Variants in CPS1 observed in about 807,000 individuals in gnomAD.
CPS1 encodes the protein carbamoyl-phosphate synthase [ammonia], mitochondrial.
A neutral mutation model predicts 174.6 loss-of-function variants in CPS1; 109 were observed. That is an observed-to-expected ratio of 0.62 (90% CI 0.53 to 0.73). CPS1 has a LOEUF of 0.73. Among genes scored for constraint, CPS1 ranks in the 30% least tolerant of loss-of-function variants. CPS1 has a pLI of 0.00. For synonymous variants in CPS1, 637 were observed against 632.0 expected (o/e 1.01, Z -0.12); for missense variants, 1,689 against 1,821.9 (o/e 0.93, Z 1.33).
chr2:210,604,929 C>T lies in CPS1; in HGVS notation c.1837-173C>T. 7.5e-6 allele frequency: 5 copies of T among 666,844 alleles called. No homozygotes were observed. The South Asian group carries it at 8.9e-5, about 12-fold the overall frequency. The allele number at this position is 666,844 out of a possible 1,614,324, so 41.3% of individuals were successfully genotyped here. A position where few individuals can be genotyped will look rare whatever the true frequency, so the allele number is the denominator to read the frequency against. ...AGCATATTCACTGCAGGATGCTATT[C>T]CTAGTACCTCACTGATTTTCTGACA... is the stretch of plus-strand genomic sequence containing the variant. On this transcript the variant is annotated intron_variant, in intron 16 of 37. Transcript: ENST00000233072.
At chr2:210,486,488 A>T (rs1694730115) in intron 1 of CPS1, among the ~76,000 whole-genome samples, 2 of 152,222 alleles carry the variant, frequency 1.3e-5, no homozygotes, top group Admixed American at 1.3e-4. Context: ...TTATATCCAG[A>T]GCTGCCCATA....
Position 210,511,471 on chromosome 2 carries a change from A to G in CPS1, c.3+33705A>G, listed in dbSNP as rs181444277. 4.9e-3 allele frequency among the ~76,000 whole-genome samples: 751 copies of G among 152,226 alleles called. 5 individuals carry two copies. Among genetic ancestry groups the G allele is most frequent in the Non-Finnish European group, 8.4e-3 (574 of 68,016 alleles). On this transcript the variant is annotated intron_variant, in intron 1 of 38. Transcript: ENST00000430249. ...TGGGTGCAGCACACCAACATGGCAC[A>G]TGTATACATATGTAACAAACCTGCA...
At chr2:210,526,013 G>T (rs2105994140) in intron 1 of CPS1, among the ~76,000 whole-genome samples, 1 of 151,982 alleles carries the variant, frequency 6.6e-6, no homozygotes, top group South Asian at 2.1e-4. Context: ...TGGGAGATGA[G>T]CATGGAAAGG....
At chr2:210,610,487 G>A (rs1405959889) in intron 19 of CPS1, among the ~76,000 whole-genome samples, 5 of 151,834 alleles carry the variant, frequency 3.3e-5, no homozygotes, top group African/African-American at 4.8e-5. Flanking sequence ...AAACTGACCC[G>A]AATAGACAAT....
rs541595848 is a variant in CPS1, at chr2:210,614,399, C to T, written c.2569-2024C>T. Among the ~76,000 whole-genome samples, 18 of 151,870 alleles carry T rather than the reference C, an allele frequency of 1.2e-4. No homozygotes were observed. In the South Asian group the frequency reaches 3.7e-3, roughly 32 times the overall value. ...CTCTATAGTAGAATGATTTATAATC[C>T]TTTGGGTATATACCCAGTAATGGGA... On this transcript the variant is annotated intron_variant, in intron 20 of 37. Transcript: ENST00000233072.
Position 210,608,528 on chromosome 2 carries a change from G to T in CPS1, c.2360G>T (p.Arg787Leu). 6.2e-7 allele frequency: 1 copy of T among 1,612,026 alleles called. No individual in the cohort carries two copies. The highest frequency in any genetic ancestry group is 8.5e-7 in the Non-Finnish European group (1 of 1,178,652). ...GACCGTTTTCATGGAACATCTAGCC[G>T]AATTGGTAGCTCTATGAAAAGTGTA... ...DLDRFHGTSS[R>L]IGSSMKSVGE... Residue 787 changes from arginine to leucine, a missense_variant, in exon 19 of 38, where the codon CGA (arginine) becomes CTA (leucine). Coordinates refer to ENST00000233072, the MANE Select transcript of CPS1 (RefSeq NM_001875.5).
At position 210,542,783 on chromosome 2, in the gene CPS1, A is replaced by G. The variant is rs150314017; in HGVS notation, c.4-13936A>G. On this transcript the variant is annotated intron_variant, in intron 1 of 38. Coordinates refer to the CPS1 transcript ENST00000430249. ...GGCTCCACATTCTCATCCAGTTTCT[A>G]TTCTTTCACTTAGCTGCTTTTCTTC... Among the ~76,000 whole-genome samples, 59 of 152,064 alleles carry G rather than the reference A, an allele frequency of 3.9e-4. No homozygotes were observed. The East Asian group carries it at 0.011, about 30-fold the overall frequency.
At chr2:210,633,740 T>C (rs947923392) in intron 21 of CPS1, among the ~76,000 whole-genome samples, 2 of 152,126 alleles carry the variant, frequency 1.3e-5, no homozygotes, top group African/African-American at 4.8e-5. Flanking sequence ...AAACAAATAA[T>C]TAAAGACCCT....
intron 1 of CPS1, among the ~76,000 whole-genome samples, chr2:210,510,235 C>T (rs1449500388): frequency 6.6e-6 from 1 of 152,172 alleles, no homozygotes; most frequent in Non-Finnish European, 1.5e-5. Flanking sequence ...TTATCTACAA[C>T]TATCTGATCT....
At chr2:210,554,305 G>C (rs978766043), upstream of CPS1, among the ~76,000 whole-genome samples, 8 of 149,030 alleles carry the variant, frequency 5.4e-5, no homozygotes, top group Non-Finnish European at 7.4e-5. Flanking sequence ...TAGTTTGCAA[G>C]TCTGCATCTG....
At chr2:210,479,272 CTCT>C (rs2105938073) in intron 1 of CPS1, among the ~76,000 whole-genome samples, 1 of 151,994 alleles carries the variant, frequency 6.6e-6, no homozygotes, top group East Asian at 1.9e-4. Flanking sequence ...TCCTAATTTC[CTCT>C]TCTTACGACA....
intron 18 of CPS1, among the ~76,000 whole-genome samples, chr2:210,607,461 G>A (rs192064457): frequency 6.6e-6 from 1 of 152,044 alleles, no homozygotes; most frequent in East Asian, 1.9e-4. Context: ...ACAGCCACTA[G>A]CAGGCATGAT....
intron 21 of CPS1, among the ~76,000 whole-genome samples, chr2:210,627,429 A>G (rs1699730283): frequency 6.6e-6 from 1 of 152,202 alleles, no homozygotes; most frequent in South Asian, 2.1e-4. Context: ...TCTTGAGCGT[A>G]GAATGGAATT....
chr2:210,654,917 C>A (rs1175440694), intron 29 of CPS1, among the ~76,000 whole-genome samples: 1 of 152,172 alleles, frequency 6.6e-6, no homozygotes, highest in Non-Finnish European at 1.5e-5. Context: ...ATCACATAAT[C>A]TTGAGTTGAA....
rs548272802 is a variant in CPS1 at position 210,612,434 on chromosome 2, C to T, written c.2568+141C>T. On this transcript the variant is annotated intron_variant, in intron 20 of 37. Coordinates refer to ENST00000233072, the MANE Select transcript of CPS1 (RefSeq NM_001875.5). ...TTTTTAATTCTTTTATAGTATTAAACTGGAAACATCTATAGATTTCATTAG... is the reference window on the plus strand; with the variant it reads ...TTTTTAATTCTTTTATAGTATTAAATTGGAAACATCTATAGATTTCATTAG... 9.7e-5 allele frequency: 72 copies of T among 745,532 alleles called. No homozygotes were observed. The East Asian group carries it at 1.8e-3, about 19-fold the overall frequency. 46.2% of individuals were successfully genotyped at this position (745,532 alleles called of 1,614,324 possible).
intron 1 of CPS1, among the ~76,000 whole-genome samples, chr2:210,566,676 C>T (rs372955967): frequency 2.6e-5 from 4 of 152,128 alleles, no homozygotes; most frequent in East Asian, 1.9e-4. Context: ...GCTGCTCTTC[C>T]AGTTGCTAAT....
chr2:210,580,905 A>T lies in CPS1; in HGVS notation c.528+1135A>T, dbSNP rs76182627. Reference sequence around the variant, plus strand: ...ATATGGGAAAAGGAGTCTTCAAAAAATTTTTTTGTAGATTTCTTGTTAGGA... The same window carrying T: ...ATATGGGAAAAGGAGTCTTCAAAAATTTTTTTTGTAGATTTCTTGTTAGGA... On this transcript the variant is annotated intron_variant, in intron 5 of 37. Transcript: ENST00000233072. Among the ~76,000 whole-genome samples the T allele has an allele frequency of 2.3e-3, 356 of 151,980 alleles. 3 individuals carry two copies. The highest frequency in any genetic ancestry group is 8.2e-3 in the African/African-American group (342 of 41,456).
At chr2:210,559,040 T>C (rs776933790) in intron 1 of CPS1, among the ~76,000 whole-genome samples, 1 of 152,120 alleles carries the variant, frequency 6.6e-6, no homozygotes, top group Non-Finnish European at 1.5e-5. Flanking sequence ...ACTTGTGTTA[T>C]TATTCAGTTA....
Position 210,608,389 on chromosome 2 carries a change from A to G in CPS1, c.2221A>G (p.Ile741Val). The G allele has an allele frequency of 6.2e-7, 1 of 1,612,282 alleles. No homozygotes were observed. The highest frequency in any genetic ancestry group is 8.5e-7 in the Non-Finnish European group (1 of 1,178,860). Residue 741 changes from isoleucine to valine, a missense_variant, in exon 19 of 38, where the codon ATT becomes GTT. Ile to Val is a conservative substitution (Grantham distance 29). Transcript: ENST00000233072. ...GYPLAFIAAKIALGIPLPEIK... is the reference protein window; with the variant it reads ...GYPLAFIAAKVALGIPLPEIK... ...CCCATTGGCATTCATTGCTGCAAAGATTGCCCTAGGAATCCCACTTCCAGA... is the reference window on the plus strand; with the variant it reads ...CCCATTGGCATTCATTGCTGCAAAGGTTGCCCTAGGAATCCCACTTCCAGA...
Sources: gnomAD v4.1 joint callset for allele counts (sites outside exome capture counted in the v4.1 genomes callset) on GRCh38, gnomAD v4.1.1 for gene constraint, MANE v1.5 for transcripts, NCBI Gene and HGNC (gene_info 2026-07-23, HGNC 2026-07-21) for gene names.